CSMD1: variants seen among roughly 807,000 people sequenced by gnomAD.
CSMD1 encodes the protein CUB and sushi domain-containing protein 1.
A neutral mutation model predicts 417.5 loss-of-function variants in CSMD1; 213 were observed. That is an observed-to-expected ratio of 0.51 (90% CI 0.46 to 0.57). CSMD1 has a LOEUF of 0.57. Among genes scored for constraint, CSMD1 ranks in the 20% least tolerant of loss-of-function variants. The pLI, the probability that CSMD1 is intolerant of heterozygous loss-of-function variation, is 0.00. For synonymous variants in CSMD1, 2,862 were observed against 1,736.8 expected, an observed-to-expected ratio of 1.65 and a Z score of -16.11; for missense variants, 6,923 against 4,529.7, an observed-to-expected ratio of 1.53 and a Z score of -15.17.
intron 2 of CSMD1, among the ~76,000 whole-genome samples, chr8:4,601,902 T>C (rs143724978): frequency 1.6e-3 from 248 of 152,252 alleles, no homozygotes; most frequent in African/African-American, 5.7e-3. Flanking sequence ...ACCGTCTACA[T>C]AGAGTGTGAA....
chr8:4,072,987 T>G (rs952036930), intron 3 of CSMD1, among the ~76,000 whole-genome samples: 41 of 152,196 alleles, frequency 2.7e-4, no homozygotes, highest in African/African-American at 9.7e-4. Context: ...TTGCCTTGAA[T>G]TACACAATAT....
chr8:3,298,088 T>C (rs1034776396), intron 25 of CSMD1, among the ~76,000 whole-genome samples: 8 of 152,146 alleles, frequency 5.3e-5, no homozygotes, highest in African/African-American at 1.9e-4. Context: ...TCAATCCCAT[T>C]GTTGGTTAGA....
intron 26 of CSMD1, among the ~76,000 whole-genome samples, chr8:3,263,720 C>G (rs7010968): frequency 0.69 from 105,532 of 152,008 alleles, 37,781 homozygotes; most frequent in Non-Finnish European, 0.79. Context: ...AATCACTTAT[C>G]CCAATTAAGT....
chr8:3,112,249 C>T (rs1816563971), intron 42 of CSMD1, among the ~76,000 whole-genome samples: 1 of 152,160 alleles, frequency 6.6e-6, no homozygotes, highest in Admixed American at 6.5e-5. Context: ...ACTCATGAAA[C>T]CAATTAGGCT....
intron 2 of CSMD1, among the ~76,000 whole-genome samples, chr8:4,438,786 G>A (rs529988003): frequency 6.6e-6 from 1 of 152,180 alleles, no homozygotes; most frequent in Non-Finnish European, 1.5e-5. Context: ...ACAAGTGCTT[G>A]AAGGATCAAA....
At chr8:3,777,960 T>C (rs1015114743) in intron 5 of CSMD1, among the ~76,000 whole-genome samples, 66 of 150,344 alleles carry the variant, frequency 4.4e-4, no homozygotes, top group Non-Finnish European at 7.4e-4. Context: ...ACTCCAGACC[T>C]GCAGCCTCCT....
At chr8:4,382,311 A>C (rs1803154312) in intron 3 of CSMD1, among the ~76,000 whole-genome samples, 1 of 152,212 alleles carries the variant, frequency 6.6e-6, no homozygotes, top group Non-Finnish European at 1.5e-5. Flanking sequence ...AAAAGAGAGG[A>C]GTTATATGTG....
intron 4 of CSMD1, among the ~76,000 whole-genome samples, chr8:4,008,474 T>G (rs1447254276): frequency 6.6e-6 from 1 of 151,826 alleles, no homozygotes; most frequent in Non-Finnish European, 1.5e-5. Context: ...TATTTAAAAT[T>G]TCAGCTCTCC....
chr8:4,320,708 T>G (rs540455045), intron 3 of CSMD1, among the ~76,000 whole-genome samples: 1 of 152,176 alleles, frequency 6.6e-6, no homozygotes. Flanking sequence ...TATGGCTGCA[T>G]AGTATTCCAT....
intron 2 of CSMD1, among the ~76,000 whole-genome samples, chr8:4,504,514 T>C (rs1217686): frequency 0.21 from 31,483 of 152,090 alleles, 3,398 homozygotes; most frequent in African/African-American, 0.27. Context: ...GTGCAGAACA[T>C]GCAGGTTCGT....
chr8:3,792,877 T>G (rs1397766861), intron 5 of CSMD1, among the ~76,000 whole-genome samples: 2 of 152,210 alleles, frequency 1.3e-5, no homozygotes, highest in Admixed American at 6.5e-5. Context: ...CCTACATACT[T>G]GCCTTGAGAA....
chr8:4,016,557 T>A (rs1218467127), intron 4 of CSMD1, among the ~76,000 whole-genome samples: 1 of 152,104 alleles, frequency 6.6e-6, no homozygotes, highest in Non-Finnish European at 1.5e-5. Context: ...GGAGAAAAGA[T>A]GAAGATTCAC....
Position 4,383,816 on chromosome 8 carries a change from T to C in CSMD1, c.415+36137A>G, listed in dbSNP as rs570916811. On this transcript the variant is annotated intron_variant, in intron 3 of 69. Transcript: ENST00000635120. Reference sequence around the variant, plus strand: ...ATGCTACATATATAATACCAAATTATTGTGAAAGTGGAACTTGAAAATAAT... The same window carrying C: ...ATGCTACATATATAATACCAAATTACTGTGAAAGTGGAACTTGAAAATAAT... Among the ~76,000 whole-genome samples the C allele has an allele frequency of 1.5e-3, 230 of 152,270 alleles. 2 individuals are homozygous for C. The highest frequency in any genetic ancestry group is 5.3e-3 in the African/African-American group (221 of 41,546).
rs531366632 is a variant in CSMD1, at chr8:4,029,977, C to T, written c.610+1928G>A. Among the ~76,000 whole-genome samples the T allele has an allele frequency of 8.5e-5, 13 of 152,262 alleles. No individual in the cohort carries two copies. The East Asian group carries it at 2.5e-3, about 30-fold the overall frequency. ...AATCTTAAAGCTCCAAAATCATTTC[C>T]TTTGACTTTGTGTCTCACATCCAGG... On this transcript the variant is annotated intron_variant, in intron 4 of 69. Transcript: ENST00000635120.
intron 2 of CSMD1, among the ~76,000 whole-genome samples, chr8:4,455,968 G>C (rs149439064): frequency 5.9e-5 from 2 of 34,126 alleles, no homozygotes; most frequent in African/African-American, 1.8e-4. Context: ...AAAAAATGCA[G>C]TTAAGATATT....
intron 41 of CSMD1, among the ~76,000 whole-genome samples, chr8:3,141,890 C>CTG (rs1242568695): frequency 6.6e-6 from 1 of 151,768 alleles, no homozygotes; most frequent in East Asian, 1.9e-4. Context: ...CTCCGCCTCC[C>CTG]GGGTTCACGC....
chr8:4,945,034 AG>A (rs914814823), intron 1 of CSMD1, among the ~76,000 whole-genome samples: 1 of 152,170 alleles, frequency 6.6e-6, no homozygotes, highest in Non-Finnish European at 1.5e-5. Flanking sequence ...GATAAGCAAA[AG>A]GTGGTCTCTT....
At position 3,223,845 on chromosome 8, in the gene CSMD1, C is replaced by T. The variant is rs372578300; in HGVS notation, c.4368G>A (p.Thr1456=). Residue 1456 remains threonine (T), a synonymous_variant, in exon 28 of 70, where the codon ACG becomes ACA. Transcript: ENST00000635120. ...GTGACAAAATAACACCTGCTGGGCC[C>T]GTCAGATTCCCTCCACAAGCAGCTG... ...TCIAACGGNL[T]GPAGVILSPN... The T allele has an allele frequency of 1.7e-5, 28 of 1,613,592 alleles. No homozygotes were observed. Among genetic ancestry groups the T allele is most frequent in the East Asian group, 4.5e-5 (2 of 44,868 alleles).
At chr8:3,679,859 C>T (rs190164346) in intron 7 of CSMD1, among the ~76,000 whole-genome samples, 1 of 152,130 alleles carries the variant, frequency 6.6e-6, no homozygotes, top group Admixed American at 6.5e-5. Flanking sequence ...TGCAATCAAA[C>T]AAGAACTCAG....
Sources: allele counts gnomAD v4.1 joint callset (sites outside exome capture counted in the v4.1 genomes callset), GRCh38; gene constraint gnomAD v4.1.1; transcripts MANE v1.5; gene names NCBI Gene and HGNC (gene_info 2026-07-23, HGNC 2026-07-21).